Variants in MYO5B observed in about 807,000 individuals in gnomAD.
The protein encoded by MYO5B is unconventional myosin-Vb.
A neutral mutation model predicts 229.3 loss-of-function variants in MYO5B; 143 were observed. The ratio of observed to expected loss-of-function variants is 0.62; its 90% CI spans 0.54 to 0.72. The LOEUF is 0.72. Ranked by LOEUF, MYO5B falls within the 30% of genes least tolerant of loss-of-function variation. The probability of loss-of-function intolerance (pLI) is 0.00; values close to 1 mark genes in which losing one functional copy is unlikely to be tolerated. For synonymous variants in MYO5B, 918 were observed against 885.2 expected (o/e 1.04, Z -0.66); for missense variants, 2,321 against 2,331.0 (o/e 1.00, Z 0.09).
intron 13 of MYO5B, among the ~76,000 whole-genome samples, chr18:49,953,957 G>A (rs147845514): frequency 0.055 from 7,173 of 130,708 alleles, 341 homozygotes; most frequent in Non-Finnish European, 0.078. Flanking sequence ...ACAGACATGT[G>A]TGTGTGTGTA....
intron 4 of MYO5B, among the ~76,000 whole-genome samples, chr18:50,025,621 A>G (rs765477197): frequency 6.6e-6 from 1 of 152,240 alleles, no homozygotes; most frequent in African/African-American, 2.4e-5. Context: ...AGAATCAAAG[A>G]GCTACTAGAC....
chr18:50,118,626 C>CTTTTT (rs11429821), intron 1 of MYO5B, among the ~76,000 whole-genome samples: 3 of 138,030 alleles, frequency 2.2e-5, no homozygotes, highest in African/African-American at 5.4e-5. Context: ...GTTGGCATTT[C>CTTTTT]TTTTTTTTTT....
At chr18:50,100,304 T>C (rs1447638883) in intron 1 of MYO5B, among the ~76,000 whole-genome samples, 3 of 152,232 alleles carry the variant, frequency 2.0e-5, no homozygotes, top group Admixed American at 6.5e-5. Context: ...GCTGTCACAC[T>C]GAAGGCAGGA....
intron 3 of MYO5B, among the ~76,000 whole-genome samples, chr18:50,038,307 T>C (rs144459067): frequency 5.3e-5 from 8 of 152,308 alleles, no homozygotes; most frequent in African/African-American, 9.6e-5. Context: ...GTCTCCGACA[T>C]TGTGTTCCCT....
chr18:50,014,294 A>AAAAAAAAAAAAAAAAAAAAAC (rs1555651334), intron 4 of MYO5B, among the ~76,000 whole-genome samples: 1 of 141,640 alleles, frequency 7.1e-6, no homozygotes, highest in African/African-American at 2.6e-5. Flanking sequence ...AAAAAAAAAA[A>AAAAAAAAAAAAAAAAAAAAAC]AACTACGGGT....
At chr18:50,104,009 A>C (rs2031704946) in intron 1 of MYO5B, among the ~76,000 whole-genome samples, 3 of 150,468 alleles carry the variant, frequency 2.0e-5, no homozygotes, top group African/African-American at 7.3e-5. Context: ...TAAAAAAAAA[A>C]AAAAAAATAG....
intron 1 of MYO5B, among the ~76,000 whole-genome samples, chr18:50,087,818 G>A (rs1190561185): frequency 6.6e-6 from 1 of 152,098 alleles, no homozygotes. Flanking sequence ...GGTCTCCAAG[G>A]TGATGCTAGG....
intron 17 of MYO5B, among the ~76,000 whole-genome samples, chr18:49,919,153 A>C (rs556444360): frequency 7.9e-5 from 12 of 152,386 alleles, no homozygotes; most frequent in African/African-American, 2.9e-4. Context: ...TGCATACAAA[A>C]GAATGAGACT....
intron 39 of MYO5B, among the ~76,000 whole-genome samples, chr18:49,832,856 C>A (rs2023939702): frequency 6.6e-6 from 1 of 152,180 alleles, no homozygotes. Flanking sequence ...TCAAGGTACT[C>A]AATGATGGCT....
At chr18:49,945,761 G>GGA (rs1391764166) in intron 14 of MYO5B, among the ~76,000 whole-genome samples, 6 of 68,690 alleles carry the variant, frequency 8.7e-5, no homozygotes, top group African/African-American at 3.6e-4. Flanking sequence ...GAGGGGAGGA[G>GGA]GAGGAGGAGG....
chr18:49,921,094 G>A (rs2025069521), intron 17 of MYO5B, among the ~76,000 whole-genome samples: 1 of 152,138 alleles, frequency 6.6e-6, no homozygotes, highest in Non-Finnish European at 1.5e-5. Flanking sequence ...GAGGAAGCAG[G>A]CCGCTTCTAA....
intron 37 of MYO5B, among the ~76,000 whole-genome samples, 163 bp from the exon 38 acceptor site, chr18:49,837,048 A>G (rs1252499250): frequency 6.6e-6 from 1 of 152,246 alleles, no homozygotes; most frequent in Non-Finnish European, 1.5e-5. Flanking sequence ...CTATTTGTTG[A>G]ATAAAGAATG....
chr18:49,867,736 T>C (rs1459167881), intron 27 of MYO5B, among the ~76,000 whole-genome samples: 1 of 148,144 alleles, frequency 6.8e-6, no homozygotes, highest in Non-Finnish European at 1.5e-5. Flanking sequence ...ATTCTATATA[T>C]AGTCAACACT....
At chr18:50,091,620 C>A (rs527389307) in intron 1 of MYO5B, among the ~76,000 whole-genome samples, 18 of 152,274 alleles carry the variant, frequency 1.2e-4, no homozygotes, top group African/African-American at 4.3e-4. Context: ...CTGCCTTCTT[C>A]CCATTGCTGG....
chr18:49,831,865 C>G (rs2023927113), intron 39 of MYO5B, among the ~76,000 whole-genome samples: 1 of 152,060 alleles, frequency 6.6e-6, no homozygotes, highest in African/African-American at 2.4e-5. Context: ...TTCCATCAAC[C>G]AATGAATAGA....
chr18:49,875,385 C>T (rs2024506963), intron 26 of MYO5B, among the ~76,000 whole-genome samples: 1 of 152,186 alleles, frequency 6.6e-6, no homozygotes, highest in South Asian at 2.1e-4. Context: ...ACTCTTATTA[C>T]ACACCCTGGT....
chr18:50,012,375 T>TA (rs1429715711), intron 4 of MYO5B, among the ~76,000 whole-genome samples: 3 of 152,364 alleles, frequency 2.0e-5, no homozygotes, highest in African/African-American at 7.2e-5. Context: ...AAACAGCCTT[T>TA]AATTTATGAA....
At chr18:50,137,622 C>T (rs1455359071) in intron 1 of MYO5B, among the ~76,000 whole-genome samples, 1 of 152,152 alleles carries the variant, frequency 6.6e-6, no homozygotes, top group Non-Finnish European at 1.5e-5. Flanking sequence ...TCAGCAATCC[C>T]ACTACTAGAT....
At chr18:49,942,559 T>C (rs2025329022) in intron 14 of MYO5B, among the ~76,000 whole-genome samples, 1 of 152,034 alleles carries the variant, frequency 6.6e-6, no homozygotes, top group African/African-American at 2.4e-5. Flanking sequence ...GCGCAGGATA[T>C]GAACAGACAC....
Sources: gnomAD v4.1 joint callset for allele counts (sites outside exome capture counted in the v4.1 genomes callset) on GRCh38, gnomAD v4.1.1 for gene constraint, MANE v1.5 for transcripts, NCBI Gene and HGNC (gene_info 2026-07-23, HGNC 2026-07-21) for gene names.